Variants in GOSR1 observed in about 807,000 individuals in gnomAD.
GOSR1 encodes golgi SNAP receptor complex member 1.
In GOSR1, 21 loss-of-function variants were observed where a neutral mutation model predicts 35.5. That is an observed-to-expected ratio of 0.59 (90% CI 0.42 to 0.85). The LOEUF (loss-of-function observed/expected upper bound fraction) is 0.85, where lower values mean the gene tolerates loss of function less well. GOSR1 is among the 40% of genes least tolerant of loss of function. The pLI is 0.00. For missense variants in GOSR1, 285 were observed against 309.6 expected, an observed-to-expected ratio of 0.92 and a Z score of 0.60; for synonymous variants, 94 against 106.6, an observed-to-expected ratio of 0.88 and a Z score of 0.73.
intron 7 of GOSR1, among the ~76,000 whole-genome samples, chr17:30,511,532 A>T (rs1017879146): frequency 1.8e-4 from 27 of 146,844 alleles, no homozygotes; most frequent in Non-Finnish European, 3.0e-4. Flanking sequence ...AAACATTTGT[A>T]TTTTTTTTTT....
intron 8 of GOSR1, among the ~76,000 whole-genome samples, chr17:30,520,956 A>C (rs1295568147): frequency 6.6e-6 from 1 of 151,436 alleles, no homozygotes; most frequent in Non-Finnish European, 1.5e-5. Context: ...TAAACTATGA[A>C]CTCAATTGCC....
intron 8 of GOSR1, 94 bp from the exon 9 acceptor site, chr17:30,522,160 T>C (rs1391330234): frequency 7.0e-6 from 7 of 1,005,734 alleles, no homozygotes; most frequent in African/African-American, 4.9e-5. Context: ...TCATCACTGT[T>C]TCTAGACACC....
chr17:30,482,292 A>G (rs1914408844), intron 2 of GOSR1, among the ~76,000 whole-genome samples: 1 of 152,120 alleles, frequency 6.6e-6, no homozygotes. Flanking sequence ...TTTGTAATTC[A>G]TATGTAGTAT....
chr17:30,517,754 A>G lies in GOSR1; in HGVS notation c.540-2185A>G, dbSNP rs544956151. ...CAGATTAGGGATGTTCAACCTGTAT[A>G]TACCTCCTTACACACTTTTGTTTCT... is the stretch of plus-strand genomic sequence containing the variant. On this transcript the variant is annotated intron_variant, in intron 7 of 8. Transcript: ENST00000451249. Among the ~76,000 whole-genome samples the G allele has an allele frequency of 9.8e-5, 15 of 152,362 alleles. No individual in the cohort carries two copies. The East Asian group carries it at 2.5e-3, about 25-fold the overall frequency.
At chr17:30,505,268 C>T (rs1490830040) in intron 6 of GOSR1, among the ~76,000 whole-genome samples, 2 of 152,122 alleles carry the variant, frequency 1.3e-5, no homozygotes, top group Admixed American at 6.6e-5. Flanking sequence ...GGTGTGGTGG[C>T]TTATGCCTGT....
At position 30,490,247 on chromosome 17, in the gene GOSR1, A is replaced by C. The variant is rs760455980; in HGVS notation, c.434+30A>C. 2.8e-6 allele frequency: 3 copies of C among 1,078,624 alleles called. No individual in the cohort carries two copies. In the African/African-American group the frequency reaches 4.7e-5, roughly 17 times the overall value. 66.8% of individuals were successfully genotyped at this position (1,078,624 alleles called of 1,614,324 possible). Reference sequence around the variant, plus strand: ...GTTACTTTTTATATTATTTTGTAGAATATTTATTCAGATTTGGCTTTAGGA... The same window carrying C: ...GTTACTTTTTATATTATTTTGTAGACTATTTATTCAGATTTGGCTTTAGGA... On this transcript the variant is annotated intron_variant, in intron 5 of 8. Coordinates refer to ENST00000451249, the MANE Select transcript of GOSR1 (RefSeq NM_001007025.2).
At chr17:30,489,465 G>C (rs1914884913) in intron 4 of GOSR1, among the ~76,000 whole-genome samples, 1 of 152,106 alleles carries the variant, frequency 6.6e-6, no homozygotes, top group African/African-American at 2.4e-5. Flanking sequence ...AGAATGTTTT[G>C]TTTTCCTTTG....
chr17:30,520,095 G>A, intron 8 of GOSR1, 74 bp downstream of exon 8: 1 of 931,494 alleles, frequency 1.1e-6, no homozygotes, highest in South Asian at 1.3e-5. Flanking sequence ...CTTTTATAGG[G>A]GGCAGGTTGC....
Position 30,524,649 on chromosome 17 carries a change from C to T in GOSR1, c.*2271C>T, listed in dbSNP as rs1968154663. 6.6e-6 allele frequency: 1 copy of T among 152,162 alleles called. No homozygotes were observed. Among genetic ancestry groups the T allele is most frequent in the Non-Finnish European group, 1.5e-5 (1 of 68,036 alleles). The allele number at this position is 152,162 out of a possible 1,614,324, so 9.4% of individuals were successfully genotyped here. On this transcript the variant is annotated 3_prime_UTR_variant, in exon 9 of 9. Coordinates refer to ENST00000451249, the MANE Select transcript of GOSR1 (RefSeq NM_001007025.2). ...CCAGTGTCTGTCAGTGCCCCCACTG[C>T]TCCTCCTCATACCAGCATTGACACT...
chr17:30,488,727 G>A (rs1268849851), intron 4 of GOSR1, among the ~76,000 whole-genome samples: 1 of 151,468 alleles, frequency 6.6e-6, no homozygotes, highest in African/African-American at 2.4e-5. Flanking sequence ...TAGTAGAGAC[G>A]GGGTTTCGCC....
chr17:30,511,779 C>T (rs1267666986), intron 7 of GOSR1, among the ~76,000 whole-genome samples: 1 of 152,144 alleles, frequency 6.6e-6, no homozygotes, highest in Non-Finnish European at 1.5e-5. Context: ...GATCTGTCCA[C>T]CTTGGCCTCC....
At chr17:30,484,094 A>G (rs1914521874) in intron 2 of GOSR1, 120 bp from the exon 3 acceptor site, 1 of 605,120 alleles carries the variant, frequency 1.7e-6, no homozygotes, top group Non-Finnish European at 3.0e-6. Context: ...TTTCTCACAG[A>G]CCCTATATAA....
At chr17:30,479,092 A>T (rs1479867072) in intron 1 of GOSR1, 4 of 152,266 alleles carry the variant, frequency 2.6e-5, no homozygotes, top group Non-Finnish European at 5.9e-5. Context: ...GATAAATCAT[A>T]GAGTCAGTAA....
chr17:30,496,444 C>G (rs1301324954), intron 6 of GOSR1, among the ~76,000 whole-genome samples: 1 of 152,186 alleles, frequency 6.6e-6, no homozygotes, highest in Non-Finnish European at 1.5e-5. Flanking sequence ...CCTTGAAACC[C>G]TAGGCTACTG....
At chr17:30,507,905 A>G (rs117431025) in intron 6 of GOSR1, among the ~76,000 whole-genome samples, 3,002 of 152,302 alleles carry the variant, frequency 0.02, 45 homozygotes, top group Non-Finnish European at 0.03. Context: ...TTGAAATGAC[A>G]ACAAAGGATT....
At chr17:30,505,319 G>A (rs778739156) in intron 6 of GOSR1, among the ~76,000 whole-genome samples, 2 of 152,180 alleles carry the variant, frequency 1.3e-5, no homozygotes, top group Non-Finnish European at 2.9e-5. Flanking sequence ...AGGATTGCTT[G>A]AAGCCCAGAG....
At position 30,502,493 on chromosome 17, in the gene GOSR1, C is replaced by G. The variant is rs151263653; in HGVS notation, c.510-8387C>G. Among the ~76,000 whole-genome samples, 378 of 152,260 alleles carry G rather than the reference C, an allele frequency of 2.5e-3. 1 individual carries two copies. The highest frequency in any genetic ancestry group is 8.8e-3 in the African/African-American group (364 of 41,540). ...AAATTGTTCTAGCAATAATTCTATT[C>G]ATTTTTTAAAAAGGAAAAAGTGATT... is the stretch of plus-strand genomic sequence containing the variant. On this transcript the variant is annotated intron_variant, in intron 6 of 8. Transcript: ENST00000451249.
chr17:30,489,229 C>A (rs1406012671), intron 4 of GOSR1, among the ~76,000 whole-genome samples: 2 of 151,952 alleles, frequency 1.3e-5, no homozygotes, highest in Non-Finnish European at 2.9e-5. Flanking sequence ...ATTAAAAATA[C>A]AAAAATTAGC....
chr17:30,485,803 C>T (rs1197414326), intron 4 of GOSR1, among the ~76,000 whole-genome samples: 4 of 152,112 alleles, frequency 2.6e-5, no homozygotes, highest in Non-Finnish European at 5.9e-5. Context: ...AGGTGGATCA[C>T]CTGAGGTCAG....
Sources: allele counts gnomAD v4.1 joint callset (sites outside exome capture counted in the v4.1 genomes callset), GRCh38; gene constraint gnomAD v4.1.1; transcripts MANE v1.5; gene names NCBI Gene and HGNC (gene_info 2026-07-23, HGNC 2026-07-21).